Variants in PPFIBP1 observed in about 807,000 individuals in gnomAD.
PPFIBP1 encodes the protein liprin-beta-1.
In PPFIBP1, 112 loss-of-function variants were observed where a neutral mutation model predicts 137.8. The ratio of observed to expected loss-of-function variants is 0.81; its 90% CI spans 0.70 to 0.95. PPFIBP1 has a LOEUF of 0.95. Among genes scored for constraint, PPFIBP1 ranks in the 40% least tolerant of loss-of-function variants. The pLI is 0.00. For synonymous variants in PPFIBP1, 378 were observed against 417.3 expected (o/e 0.91, Z 1.15); for missense variants, 1,083 against 1,196.6 (o/e 0.91, Z 1.40).
chr12:27,586,882 G>A lies in PPFIBP1; in HGVS notation c.-36+8643G>A, dbSNP rs987419786. Among the ~76,000 whole-genome samples, 11 of 152,124 alleles carry A rather than the reference G, an allele frequency of 7.2e-5. No individual in the cohort carries two copies. In the East Asian group the frequency reaches 1.5e-3, roughly 21 times the overall value. ...AAATTCTTAGTATTGTAAGTGTCAG[G>A]CTGTTCTTGATTTGTGAGAAACAAA... On this transcript the variant is annotated intron_variant, in intron 2 of 29. Transcript: ENST00000228425.
chr12:27,679,757 A>G (rs1001628071), intron 20 of PPFIBP1, 118 bp downstream of exon 20: 18 of 1,406,196 alleles, frequency 1.3e-5, no homozygotes, highest in Middle Eastern at 2.0e-4. Flanking sequence ...GGAAGTTTGG[A>G]TTGTGATGTG....
intron 1 of PPFIBP1, among the ~76,000 whole-genome samples, chr12:27,557,864 T>C: frequency 6.6e-6 from 1 of 152,246 alleles, no homozygotes; most frequent in Admixed American, 6.5e-5. Flanking sequence ...AACTTCCTTA[T>C]ATTTATTTTC....
chr12:27,537,621 A>G (rs1945195395), intron 1 of PPFIBP1, among the ~76,000 whole-genome samples: 1 of 152,122 alleles, frequency 6.6e-6, no homozygotes, highest in South Asian at 2.1e-4. Flanking sequence ...TGTTATTAAT[A>G]AAGAAGTTTC....
intron 1 of PPFIBP1, among the ~76,000 whole-genome samples, chr12:27,546,831 T>G (rs761477080): frequency 6.6e-6 from 1 of 152,000 alleles, no homozygotes; most frequent in Admixed American, 6.6e-5. Flanking sequence ...CTGGGCAACA[T>G]GGTGAAACCC....
At chr12:27,610,032 C>A (rs2054929984) in intron 2 of PPFIBP1, among the ~76,000 whole-genome samples, 2 of 152,104 alleles carry the variant, frequency 1.3e-5, no homozygotes, top group African/African-American at 4.8e-5. Flanking sequence ...GTGAATGCAG[C>A]CCCCGAGCTG....
At chr12:27,609,684 T>A (rs754541681) in intron 2 of PPFIBP1, among the ~76,000 whole-genome samples, 2 of 152,104 alleles carry the variant, frequency 1.3e-5, no homozygotes, top group Non-Finnish European at 2.9e-5. Flanking sequence ...CTCAAAATGG[T>A]CCCATGGGCC....
chr12:27,630,614 A>G (rs2057194019), intron 2 of PPFIBP1, among the ~76,000 whole-genome samples: 1 of 152,182 alleles, frequency 6.6e-6, no homozygotes, highest in Non-Finnish European at 1.5e-5. Context: ...AATTTTAAAA[A>G]TGTTATTTTA....
At position 27,647,305 on chromosome 12, in the gene PPFIBP1, T is replaced by TC. The variant is rs78114689; in HGVS notation, c.358-418dup. On this transcript the variant is annotated intron_variant, in intron 5 of 29. Transcript: ENST00000228425. ...CGTGAGCCACCGTGCATGCTACCTC[T>TC]CCCCCCTACCCCTGGCCAGGTTCTT... is the stretch of plus-strand genomic sequence containing the variant. 8.5e-5 allele frequency among the ~76,000 whole-genome samples: 13 copies of TC among 152,106 alleles called. No homozygotes were observed. In the East Asian group the frequency reaches 1.9e-3, roughly 23 times the overall value.
intron 1 of PPFIBP1, among the ~76,000 whole-genome samples, chr12:27,546,452 GT>G (rs956376241): frequency 6.6e-6 from 1 of 152,090 alleles, no homozygotes; most frequent in Admixed American, 6.6e-5. Context: ...CAAACCTCTG[GT>G]AAAAGCACCT....
intron 1 of PPFIBP1, among the ~76,000 whole-genome samples, chr12:27,576,151 C>T (rs1229537912): frequency 6.6e-6 from 1 of 152,072 alleles, no homozygotes; most frequent in African/African-American, 2.4e-5. Flanking sequence ...TGCCCCATCC[C>T]CCACCGCTTT....
chr12:27,652,479 T>C (rs552839193), intron 7 of PPFIBP1, among the ~76,000 whole-genome samples: 1 of 152,344 alleles, frequency 6.6e-6, no homozygotes, highest in East Asian at 1.9e-4. Context: ...GATAAGAAAT[T>C]GATTGAAATA....
intron 2 of PPFIBP1, among the ~76,000 whole-genome samples, chr12:27,611,551 T>C (rs956755090): frequency 1.3e-5 from 2 of 152,204 alleles, no homozygotes; most frequent in Non-Finnish European, 2.9e-5. Flanking sequence ...ATATAAATTT[T>C]GAAAGGACAT....
intron 2 of PPFIBP1, among the ~76,000 whole-genome samples, chr12:27,609,562 T>A (rs1477065779): frequency 6.6e-6 from 1 of 152,222 alleles, no homozygotes; most frequent in African/African-American, 2.4e-5. Flanking sequence ...TTCTGGTTAT[T>A]ATTGTATAAG....
At chr12:27,679,328 C>A (rs1041314751) in intron 19 of PPFIBP1, among the ~76,000 whole-genome samples, 161 bp from the exon 20 acceptor site, 7 of 152,134 alleles carry the variant, frequency 4.6e-5, no homozygotes, top group Non-Finnish European at 8.8e-5. Context: ...TGGAGCAGAA[C>A]GTATATGTGT....
chr12:27,607,736 G>C (rs777055921), intron 2 of PPFIBP1, among the ~76,000 whole-genome samples: 1 of 152,176 alleles, frequency 6.6e-6, no homozygotes. Context: ...GTTGCGGCAA[G>C]AATGGGGAAG....
intron 2 of PPFIBP1, chr12:27,584,411 C>T (rs995257317): frequency 6.6e-6 from 1 of 152,222 alleles, no homozygotes; most frequent in African/African-American, 2.4e-5. Flanking sequence ...AGTGGAGCAT[C>T]GTCTTGTTCA....
rs559666419 is a variant in PPFIBP1, at chr12:27,544,478, T to C, written c.-124+20113T>C. Among the ~76,000 whole-genome samples the C allele has an allele frequency of 2.6e-5, 4 of 152,316 alleles. No homozygotes were observed. In the East Asian group the frequency reaches 7.7e-4, roughly 29 times the overall value. On this transcript the variant is annotated intron_variant, in intron 1 of 29. Coordinates refer to ENST00000228425, the MANE Select transcript of PPFIBP1 (RefSeq NM_003622.4). ...CAGCCTACAGAATGGGAGAAAAGTT[T>C]TGCAATCTATCCATCTGACAAAGGA... is the stretch of plus-strand genomic sequence containing the variant.
intron 2 of PPFIBP1, among the ~76,000 whole-genome samples, chr12:27,594,355 T>A (rs1322330349): frequency 6.6e-6 from 1 of 152,012 alleles, no homozygotes; most frequent in Non-Finnish European, 1.5e-5. Context: ...TTTTTGTATT[T>A]TTAGTGGAGA....
chr12:27,632,651 C>T (rs532994470), intron 2 of PPFIBP1, among the ~76,000 whole-genome samples: 3 of 152,242 alleles, frequency 2.0e-5, no homozygotes, highest in East Asian at 1.9e-4. Context: ...AACTGAACTT[C>T]GCTATATTTA....
Sources: gnomAD v4.1 joint callset for allele counts (sites outside exome capture counted in the v4.1 genomes callset) on GRCh38, gnomAD v4.1.1 for gene constraint, MANE v1.5 for transcripts, NCBI Gene and HGNC (gene_info 2026-07-23, HGNC 2026-07-21) for gene names.